The following UXS1 variants were observed in gnomAD, a reference collection of about 807,000 sequenced individuals.
UXS1 encodes UDP-glucuronate decarboxylase 1.
Under a neutral mutation model 62.6 loss-of-function variants are expected in UXS1, and 33 were observed. The observed-to-expected ratio is 0.53, with a 90% CI of 0.40 to 0.70. UXS1 has a LOEUF of 0.70. Ranked by LOEUF, UXS1 falls within the 30% of genes least tolerant of loss-of-function variation. The pLI, the probability that UXS1 is intolerant of heterozygous loss-of-function variation, is 0.00. For synonymous variants in UXS1, 213 were observed against 206.8 expected, an observed-to-expected ratio of 1.03 and a Z score of -0.26; for missense variants, 434 against 556.3, an observed-to-expected ratio of 0.78 and a Z score of 2.21.
intron 9 of UXS1, among the ~76,000 whole-genome samples, chr2:106,113,702 A>T (rs1292500367): frequency 6.6e-6 from 1 of 152,230 alleles, no homozygotes; most frequent in Non-Finnish European, 1.5e-5. Context: ...TGCAGAACAA[A>T]CGTGCACTTT....
intron 10 of UXS1, among the ~76,000 whole-genome samples, chr2:106,111,388 C>T (rs1467825284): frequency 6.6e-6 from 1 of 152,166 alleles, no homozygotes; most frequent in Non-Finnish European, 1.5e-5. Context: ...AGTTTGGACT[C>T]ACCTCTCCCC....
chr2:106,098,835 A>G, intron 12 of UXS1, 62 bp from the exon 13 acceptor site: 1 of 1,481,180 alleles, frequency 6.8e-7, no homozygotes, highest in South Asian at 1.2e-5. Context: ...CACCACCCAG[A>G]CCACAGGCGT....
chr2:106,101,468 A>C, intron 11 of UXS1: 1 of 201,114 alleles, frequency 5.0e-6, no homozygotes, highest in Non-Finnish European at 1.0e-5. Flanking sequence ...ATACACTCAA[A>C]AAAGATGGAG....
intron 9 of UXS1, among the ~76,000 whole-genome samples, chr2:106,120,677 C>T (rs894420536): frequency 7.9e-5 from 12 of 152,340 alleles, no homozygotes; most frequent in Admixed American, 2.0e-4. Flanking sequence ...TCAAGCCTCC[C>T]AGTGTGACGG....
At chr2:106,110,589 C>G (rs574524339) in intron 10 of UXS1, among the ~76,000 whole-genome samples, 1 of 152,258 alleles carries the variant, frequency 6.6e-6, no homozygotes, top group African/African-American at 2.4e-5. Context: ...CCTAGGAACC[C>G]CAAGTAGCAG....
At chr2:106,172,229 C>T (rs1435890429) in intron 1 of UXS1, among the ~76,000 whole-genome samples, 1 of 152,100 alleles carries the variant, frequency 6.6e-6, no homozygotes, top group East Asian at 1.9e-4. Flanking sequence ...CAGTGGGGGG[C>T]GGGGTGGATC....
At chr2:106,158,139 C>CCTTTGGGAGGCCGAGGCGGGCGG in intron 4 of UXS1, 21 bp from the exon 5 acceptor site, 1 of 1,539,484 alleles carries the variant, frequency 6.5e-7, no homozygotes, top group Non-Finnish European at 8.8e-7. Flanking sequence ...TAAAGAGATT[C>CCTTTGGGAGGCCGAGGCGGGCGG]AAAAGGAAAA....
intron 1 of UXS1, among the ~76,000 whole-genome samples, chr2:106,170,469 G>A (rs1265250103): frequency 1.3e-5 from 2 of 152,168 alleles, no homozygotes; most frequent in South Asian, 2.1e-4. Flanking sequence ...ACTAAAATTC[G>A]TTGAATGCAT....
At chr2:106,170,345 T>A (rs895876013) in intron 1 of UXS1, among the ~76,000 whole-genome samples, 1 of 152,186 alleles carries the variant, frequency 6.6e-6, no homozygotes, top group East Asian at 1.9e-4. Flanking sequence ...CCCTCCTGTG[T>A]GGCCAAGGTC....
At chr2:106,181,964 AT>A (rs919129813) in intron 1 of UXS1, among the ~76,000 whole-genome samples, 2 of 152,184 alleles carry the variant, frequency 1.3e-5, no homozygotes, top group African/African-American at 2.4e-5. Flanking sequence ...CAAAGGAGAA[AT>A]TTTTTTAAAA....
intron 1 of UXS1, among the ~76,000 whole-genome samples, chr2:106,168,562 C>T (rs529991779): frequency 5.6e-4 from 86 of 152,286 alleles, no homozygotes; most frequent in Middle Eastern, 3.4e-3. Context: ...TCTTGGGGTC[C>T]GGATCGGGAC....
At chr2:106,192,020 G>A (rs968294636) in intron 1 of UXS1, among the ~76,000 whole-genome samples, 4 of 152,126 alleles carry the variant, frequency 2.6e-5, no homozygotes, top group African/African-American at 4.8e-5. Context: ...CCACATCCCA[G>A]ACCAACTGAA....
rs751183075 is a variant in UXS1, at chr2:106,145,194, G to A, written c.468C>T (p.Ile156=). 3.1e-6 allele frequency: 5 copies of A among 1,612,662 alleles called. No homozygotes were observed. The highest frequency in any genetic ancestry group is 2.2e-5 in the East Asian group (1 of 44,802). Residue 156 remains isoleucine (I), a synonymous_variant, in exon 6 of 15, where the codon ATC becomes ATT. Coordinates refer to ENST00000283148, the MANE Select transcript of UXS1 (RefSeq NM_001253875.2). ...INHDVVEPLY[I]EVDQIYHLAS... is the part of the protein sequence containing the mutation. ...CAATGTGCAGTTTTCACTCACCCTC[G>A]ATGTAGAGGGGCTCCACCACGTCGT...
At chr2:106,191,828 T>C (rs1573606369) in intron 1 of UXS1, among the ~76,000 whole-genome samples, 1 of 152,256 alleles carries the variant, frequency 6.6e-6, no homozygotes, top group South Asian at 2.1e-4. Flanking sequence ...ACGTACCTGA[T>C]TGCTCTCACT....
Position 106,093,869 on chromosome 2 carries a change from A to G in UXS1, c.*157T>C. 2 of 1,049,628 alleles carry G rather than the reference A, an allele frequency of 1.9e-6. No homozygotes were observed. The highest frequency in any genetic ancestry group is 2.6e-6 in the Non-Finnish European group (2 of 774,246). 65.0% of individuals were successfully genotyped at this position (1,049,628 alleles called of 1,614,324 possible). A position where few individuals can be genotyped will look rare whatever the true frequency, so the allele number is the denominator to read the frequency against. ...CTGCAGTTTTTTGAGGGGAGCTTTT[A>G]GGCACATCCATTTCATTAAAGCAAG... On this transcript the variant is annotated 3_prime_UTR_variant, in exon 15 of 15. Coordinates refer to ENST00000283148, the MANE Select transcript of UXS1 (RefSeq NM_001253875.2).
chr2:106,162,060 C>T (rs935215754), intron 4 of UXS1, among the ~76,000 whole-genome samples: 1 of 152,188 alleles, frequency 6.6e-6, no homozygotes, highest in Non-Finnish European at 1.5e-5. Context: ...CCATCAATTT[C>T]CACCGTCACG....
intron 9 of UXS1, 112 bp from the exon 10 acceptor site, chr2:106,112,877 T>C (rs1337816671): frequency 3.4e-6 from 5 of 1,450,196 alleles, no homozygotes; most frequent in Non-Finnish European, 3.6e-6. Flanking sequence ...CTGCTTTCCA[T>C]TCCAAAATGG....
chr2:106,111,875 G>A (rs1339998702), intron 10 of UXS1, among the ~76,000 whole-genome samples: 2 of 152,214 alleles, frequency 1.3e-5, no homozygotes, highest in African/African-American at 4.8e-5. Flanking sequence ...TGCTCTAGGA[G>A]GCTACAGATC....
At chr2:106,115,560 T>G (rs1186888999) in intron 9 of UXS1, among the ~76,000 whole-genome samples, 2 of 152,182 alleles carry the variant, frequency 1.3e-5, no homozygotes, top group Non-Finnish European at 2.9e-5. Context: ...AGACAACTCC[T>G]ACAAGCCTGA....
Sources: allele counts gnomAD v4.1 joint callset (sites outside exome capture counted in the v4.1 genomes callset), GRCh38; gene constraint gnomAD v4.1.1; transcripts MANE v1.5; gene names NCBI Gene and HGNC (gene_info 2026-07-23, HGNC 2026-07-21).